Variants in SLC44A5 observed in about 807,000 individuals in gnomAD.
The protein encoded by SLC44A5 is choline transporter-like protein 5.
Under a neutral mutation model 101.8 loss-of-function variants are expected in SLC44A5, and 57 were observed. The observed-to-expected ratio is 0.56, with a 90% CI of 0.45 to 0.70. SLC44A5 has a LOEUF of 0.70. SLC44A5 is among the 30% of genes least tolerant of loss of function. SLC44A5 has a pLI of 0.00. For missense variants in SLC44A5, 737 were observed against 853.1 expected, an observed-to-expected ratio of 0.86 and a Z score of 1.70; for synonymous variants, 281 against 290.9, an observed-to-expected ratio of 0.97 and a Z score of 0.35.
intron 2 of SLC44A5, among the ~76,000 whole-genome samples, chr1:75,432,955 T>C (rs575521092): frequency 2.0e-5 from 3 of 151,992 alleles, no homozygotes. Context: ...CCAAAGCAAA[T>C]CTCTCTACCT....
the SLC44A5 span, among the ~76,000 whole-genome samples, chr1:75,663,117 T>C: frequency 6.6e-6 from 1 of 152,140 alleles, no homozygotes; most frequent in Admixed American, 6.6e-5. Flanking sequence ...ATTAACTAGA[T>C]AATAGAGTTA....
chr1:75,446,643 T>C (rs1289102910), intron 2 of SLC44A5, among the ~76,000 whole-genome samples: 1 of 132,240 alleles, frequency 7.6e-6, no homozygotes, highest in African/African-American at 3.0e-5. Flanking sequence ...GAATAGTGCC[T>C]GGCTATACAC....
chr1:75,591,557 TAAC>T, intron 1 of SLC44A5, among the ~76,000 whole-genome samples: 1 of 152,150 alleles, frequency 6.6e-6, no homozygotes, highest in South Asian at 2.1e-4. Flanking sequence ...ATTATGGTGA[TAAC>T]AAAGAAAAGT....
chr1:75,669,597 T>C, the SLC44A5 span, among the ~76,000 whole-genome samples: 138,035 of 152,206 alleles, frequency 0.91, 62,794 homozygotes, highest in Middle Eastern at 0.94. Flanking sequence ...AAAATCTTAT[T>C]ACTTTTAATA....
chr1:75,346,203 T>C (rs991541309), intron 3 of SLC44A5, among the ~76,000 whole-genome samples: 1 of 152,154 alleles, frequency 6.6e-6, no homozygotes, highest in Non-Finnish European at 1.5e-5. Flanking sequence ...TGACCTATGA[T>C]GGTTGTTTTT....
intron 1 of SLC44A5, among the ~76,000 whole-genome samples, chr1:75,563,139 G>T (rs754164063): frequency 1.5e-4 from 23 of 152,064 alleles, no homozygotes; most frequent in Non-Finnish European, 3.1e-4. Context: ...GGATATAAAA[G>T]AATCCCTCCT....
intron 4 of SLC44A5, among the ~76,000 whole-genome samples, chr1:75,323,842 TA>T (rs577134809): frequency 6.6e-6 from 1 of 152,192 alleles, no homozygotes; most frequent in Admixed American, 6.5e-5. Flanking sequence ...TATTTTGGGT[TA>T]AAAAATGGCT....
At chr1:75,694,039 G>A in the SLC44A5 span, among the ~76,000 whole-genome samples, 6 of 151,400 alleles carry the variant, frequency 4.0e-5, no homozygotes, top group African/African-American at 1.5e-4. Flanking sequence ...GTTAGGAGAG[G>A]AAATGGAGTT....
intron 2 of SLC44A5, among the ~76,000 whole-genome samples, chr1:75,501,639 T>G (rs1001207029): frequency 6.6e-6 from 1 of 152,170 alleles, no homozygotes; most frequent in Non-Finnish European, 1.5e-5. Context: ...CAGTCATGAA[T>G]TTCATGGGCC....
At chr1:75,331,993 AT>A (rs1368838342) in intron 4 of SLC44A5, among the ~76,000 whole-genome samples, 2 of 151,956 alleles carry the variant, frequency 1.3e-5, no homozygotes, top group African/African-American at 4.8e-5. Flanking sequence ...CCTCTTACTT[AT>A]GTTCATTTCT....
At chr1:75,679,990 C>A in the SLC44A5 span, among the ~76,000 whole-genome samples, 3 of 152,066 alleles carry the variant, frequency 2.0e-5, no homozygotes, top group Non-Finnish European at 2.9e-5. Flanking sequence ...AGACTTTAAA[C>A]CAACAAAGAT....
rs550349922 is a variant in SLC44A5 at position 75,360,411 on chromosome 1, C to A, written c.53-20781G>T. 9.2e-3 allele frequency among the ~76,000 whole-genome samples: 1,395 copies of A among 152,172 alleles called. 27 individuals are homozygous for A. The highest frequency in any genetic ancestry group is 0.032 in the African/African-American group (1,336 of 41,504). ...TTTTGAACTCCTGGCTTCAAGTGAT[C>A]CTCCCACCTTGGCCTCTCAAAGTGC... On this transcript the variant is annotated intron_variant, in intron 3 of 23. Transcript: ENST00000370859.
intron 5 of SLC44A5, among the ~76,000 whole-genome samples, chr1:75,282,535 A>C (rs1246498984): frequency 3.9e-5 from 6 of 152,110 alleles, no homozygotes; most frequent in Non-Finnish European, 1.5e-5. Context: ...CCAGGGGTGG[A>C]ATAATATGGT....
chr1:75,664,972 G>T, the SLC44A5 span, among the ~76,000 whole-genome samples: 1 of 149,990 alleles, frequency 6.7e-6, no homozygotes, highest in Non-Finnish European at 1.5e-5. Flanking sequence ...ACAGAAAAAT[G>T]GAAAAACATT....
chr1:75,411,944 A>G (rs549566616), intron 2 of SLC44A5, among the ~76,000 whole-genome samples: 1 of 152,262 alleles, frequency 6.6e-6, no homozygotes, highest in South Asian at 2.1e-4. Context: ...TCTCTGTTGA[A>G]TGACAATTCG....
chr1:75,610,006 C>G (rs1034317349), intron 1 of SLC44A5, among the ~76,000 whole-genome samples: 9 of 151,944 alleles, frequency 5.9e-5, no homozygotes, highest in African/African-American at 9.7e-5. Flanking sequence ...CATCTGAAGG[C>G]TTGACTTGGT....
At chr1:75,719,257 C>T in the SLC44A5 span, among the ~76,000 whole-genome samples, 1 of 152,102 alleles carries the variant, frequency 6.6e-6, no homozygotes, top group African/African-American at 2.4e-5. Context: ...ATGGTGAATC[C>T]TTGGCTTTGC....
At chr1:75,426,853 T>C (rs758901802) in intron 2 of SLC44A5, among the ~76,000 whole-genome samples, 5 of 152,212 alleles carry the variant, frequency 3.3e-5, no homozygotes, top group African/African-American at 1.2e-4. Context: ...GCAGCAGCGG[T>C]ATGGAGCTTC....
At chr1:75,221,929 G>GATGA (rs1647089801) in intron 14 of SLC44A5, among the ~76,000 whole-genome samples, 1 of 150,848 alleles carries the variant, frequency 6.6e-6, no homozygotes, top group Non-Finnish European at 1.5e-5. Flanking sequence ...TTCCTGAATG[G>GATGA]AAGATGCTTT....
Sources: gnomAD v4.1 joint callset for allele counts (sites outside exome capture counted in the v4.1 genomes callset) on GRCh38, gnomAD v4.1.1 for gene constraint, MANE v1.5 for transcripts, NCBI Gene and HGNC (gene_info 2026-07-23, HGNC 2026-07-21) for gene names.